LRRK1: variants seen among roughly 807,000 people sequenced by gnomAD.
LRRK1 encodes leucine-rich repeat serine/threonine-protein kinase 1.
A neutral mutation model predicts 209.1 loss-of-function variants in LRRK1; 113 were observed. The ratio of observed to expected loss-of-function variants is 0.54; its 90% CI spans 0.46 to 0.63. LRRK1 has a LOEUF of 0.63. LRRK1 is among the 30% of genes least tolerant of loss of function. The pLI is 0.00. For missense variants in LRRK1, 2,284 were observed against 2,632.2 expected (o/e 0.87, Z 2.89); for synonymous variants, 1,144 against 1,099.7 (o/e 1.04, Z -0.80).
At position 101,051,854 on chromosome 15, in the gene LRRK1, C is replaced by T. The variant is rs1371576745; in HGVS notation, c.3583C>T (p.Leu1195=). Residue 1195 remains leucine (L), a synonymous_variant, in exon 24 of 34, where the codon CTG becomes TTG. Coordinates refer to ENST00000388948, the MANE Select transcript of LRRK1 (RefSeq NM_024652.6). ...VQYFDMEDCV[L]TAIERDFISC... ...GTACTTCGACATGGAAGACTGTGTC[C>T]TGACGGCCATCGAGCGGGACTTCAT... 7 of 1,614,036 alleles carry T rather than the reference C, an allele frequency of 4.3e-6. No individual in the cohort carries two copies. The highest frequency in any genetic ancestry group is 3.3e-5 in the South Asian group (3 of 91,090).
At position 101,066,817 on chromosome 15, in the gene LRRK1, C is replaced by A. The variant is rs149914306; in HGVS notation, c.5870+76C>A. ...GAAGGCCCTGCAGCCAGGTCCTGCACAGTGGCTTTGCTGCCCTTCCATTCT... is the reference window on the plus strand; with the variant it reads ...GAAGGCCCTGCAGCCAGGTCCTGCAAAGTGGCTTTGCTGCCCTTCCATTCT... On this transcript the variant is annotated intron_variant, in intron 33 of 33. Coordinates refer to ENST00000388948, the MANE Select transcript of LRRK1 (RefSeq NM_024652.6). 762 of 1,189,750 alleles carry A rather than the reference C, an allele frequency of 6.4e-4. 7 individuals carry two copies. In the African/African-American group the frequency reaches 8.7e-3, roughly 14 times the overall value. The allele number at this position is 1,189,750 out of a possible 1,614,324, so 73.7% of individuals were successfully genotyped here.
chr15:101,077,540 CT>C lies in LRRK1; in HGVS notation c.*8695del, dbSNP rs1347368456. On this transcript the variant is annotated 3_prime_UTR_variant, in exon 34 of 34. Transcript: ENST00000388948. ...TAGACCTTTTATACCTGTTTTTCTC[CT>C]TTACTTATTCCGTTTAGTTTTTCAA... is the stretch of plus-strand genomic sequence containing the variant. 1 of 152,158 alleles carries C rather than the reference CT, an allele frequency of 6.6e-6. No individual in the cohort carries two copies. The highest frequency in any genetic ancestry group is 1.9e-4 in the East Asian group (1 of 5,194). The allele number at this position is 152,158 out of a possible 1,614,324, so 9.4% of individuals were successfully genotyped here. A position where few individuals can be genotyped will look rare whatever the true frequency, so the allele number is the denominator to read the frequency against.
At position 101,027,227 on chromosome 15, in the gene LRRK1, C is replaced by A; in HGVS notation, c.2406-34C>A. The A allele has an allele frequency of 6.2e-7, 1 of 1,612,184 alleles. No homozygotes were observed. The highest frequency in any genetic ancestry group is 8.5e-7 in the Non-Finnish European group (1 of 1,178,966). ...GCAGCAGCGCTTCCTCGGAGTGGGG[C>A]ATGATGAGTAAAGACGGGTCTTTTT... is the stretch of plus-strand genomic sequence containing the variant. On this transcript the variant is annotated intron_variant, in intron 17 of 33. Coordinates refer to ENST00000388948, the MANE Select transcript of LRRK1 (RefSeq NM_024652.6). This position sits in a 1 kb window ranked among gnomAD's most constrained non-coding sequence, Gnocchi z 5.1.
intron 2 of LRRK1, among the ~76,000 whole-genome samples, chr15:100,950,989 G>C (rs2042639006): frequency 6.6e-6 from 1 of 152,216 alleles, no homozygotes; most frequent in Non-Finnish European, 1.5e-5. Context: ...TGTAGTCCCA[G>C]CTATTTGGGA....
chr15:100,941,464 CTGTG>C lies in LRRK1; in HGVS notation c.97+16771_97+16774del, dbSNP rs763355554. ...TGTGTGTCTGTGTGTGTCTATGTCT[CTGTG>C]TGTGTGTGTGTGTGTGTGTGTGTGT... On this transcript the variant is annotated intron_variant, in intron 2 of 33. Transcript: ENST00000388948. Among the ~76,000 whole-genome samples the C allele has an allele frequency of 4.2e-4, 37 of 88,816 alleles. 3 individuals carry two copies. The highest frequency in any genetic ancestry group is 1.4e-3 in the African/African-American group (28 of 19,516). 58.3% of individuals were successfully genotyped at this position (88,816 alleles called of 152,430 possible).
chr15:100,982,655 G>T (rs985993217), intron 3 of LRRK1, among the ~76,000 whole-genome samples: 1 of 152,198 alleles, frequency 6.6e-6, no homozygotes, highest in African/African-American at 2.4e-5. Flanking sequence ...TTTGTCCCAG[G>T]ATTCAGATCT....
chr15:101,002,828 G>C (rs1030121432), intron 6 of LRRK1, among the ~76,000 whole-genome samples: 1 of 152,176 alleles, frequency 6.6e-6, no homozygotes, highest in African/African-American at 2.4e-5. Flanking sequence ...CCATCTCCCG[G>C]GTTCAAGTGA....
chr15:100,973,084 G>A (rs903317374), intron 2 of LRRK1, among the ~76,000 whole-genome samples: 1 of 152,232 alleles, frequency 6.6e-6, no homozygotes, highest in Non-Finnish European at 1.5e-5. Flanking sequence ...GGCTCCTCCT[G>A]CACCCAGCGA....
chr15:100,977,691 C>T (rs931972469), intron 3 of LRRK1, among the ~76,000 whole-genome samples: 2 of 152,172 alleles, frequency 1.3e-5, no homozygotes, highest in African/African-American at 2.4e-5. Context: ...ATTTCCACCC[C>T]ACCAGGCAGC....
chr15:101,039,099 C>T (rs1254058675), intron 20 of LRRK1, among the ~76,000 whole-genome samples: 1 of 152,166 alleles, frequency 6.6e-6, no homozygotes, highest in African/African-American at 2.4e-5. Context: ...TTGGATTATT[C>T]TAGATCCTTT....
At chr15:101,007,704 T>C (rs566042410) in intron 6 of LRRK1, among the ~76,000 whole-genome samples, 2 of 152,160 alleles carry the variant, frequency 1.3e-5, no homozygotes, top group South Asian at 4.2e-4. Flanking sequence ...CGCTGCAGGC[T>C]GGGCATCCTA....
chr15:101,015,432 A>C (rs1470804424), intron 12 of LRRK1, 30 bp downstream of exon 12: 2 of 1,560,218 alleles, frequency 1.3e-6, no homozygotes, highest in Non-Finnish European at 1.8e-6. Flanking sequence ...CGGTGTTCCC[A>C]GATGAGACAG....
chr15:101,058,617 C>CGGGGG lies in LRRK1; in HGVS notation c.4679+481_4679+485dup, dbSNP rs1555479973. The stretch of plus-strand genomic sequence containing the variant: ...CTGCCCCAGATTGCAGAAGGGGCAA[C>CGGGGG]GGGGGGGGGCGTCTAAACAGAGTTG... On this transcript the variant is annotated intron_variant, in intron 29 of 33. Coordinates refer to ENST00000388948, the MANE Select transcript of LRRK1 (RefSeq NM_024652.6). Among the ~76,000 whole-genome samples, 652 of 74,908 alleles carry CGGGGG rather than the reference C, an allele frequency of 8.7e-3. 23 individuals are homozygous for CGGGGG. Among genetic ancestry groups the CGGGGG allele is most frequent in the South Asian group, 0.017 (40 of 2,326 alleles). The allele number at this position is 74,908 out of a possible 152,430, so 49.1% of individuals were successfully genotyped here. A position where few individuals can be genotyped will look rare whatever the true frequency, so the allele number is the denominator to read the frequency against.
rs137902952 is a variant in LRRK1, at chr15:101,054,262, C to T, written c.4055-684C>T. 7.6e-3 allele frequency among the ~76,000 whole-genome samples: 1,164 copies of T among 152,324 alleles called. 22 individuals are homozygous for T. Among genetic ancestry groups the T allele is most frequent in the African/African-American group, 0.026 (1,091 of 41,564 alleles). ...GTGCTGGAATCACCGGCATGAGCCACACGCCCAGCCAAACAAAATGCTTCT... is the reference window on the plus strand; with the variant it reads ...GTGCTGGAATCACCGGCATGAGCCATACGCCCAGCCAAACAAAATGCTTCT... On this transcript the variant is annotated intron_variant, in intron 26 of 33. Transcript: ENST00000388948.
At chr15:101,062,524 CCAGA>C in intron 30 of LRRK1, 46 bp from the exon 31 acceptor site, 3 of 1,312,484 alleles carry the variant, frequency 2.3e-6, no homozygotes, top group Non-Finnish European at 3.3e-6. Context: ...TTGGGAAATG[CCAGA>C]CACTTTCCAG....
At chr15:100,979,661 G>A (rs2031492478) in intron 3 of LRRK1, among the ~76,000 whole-genome samples, 1 of 151,768 alleles carries the variant, frequency 6.6e-6, no homozygotes, top group Non-Finnish European at 1.5e-5. Context: ...ACTGAGAGAG[G>A]TATTTACAAA....
intron 13 of LRRK1, 118 bp downstream of exon 13, chr15:101,021,300 G>A: frequency 1.7e-6 from 2 of 1,161,798 alleles, no homozygotes; most frequent in Non-Finnish European, 2.4e-6. Context: ...TACTTTCCAA[G>A]AAGCAGTAGT....
In LRRK1 at chr15:100,985,865, G is replaced by GAGT. The variant is rs552818919; in HGVS notation, c.433+2167_433+2168insGTA. 9.7e-3 allele frequency among the ~76,000 whole-genome samples: 1,480 copies of GAGT among 152,324 alleles called. 30 individuals are homozygous for GAGT. The highest frequency in any genetic ancestry group is 0.034 in the African/African-American group (1,416 of 41,570). ...GCAAAGGAGTTCCCAAGCTGGAAGG[G>GAGT]AAGTCAGCCATGGTCAGGAGTAAGT... On this transcript the variant is annotated intron_variant, in intron 4 of 33. Transcript: ENST00000388948.
chr15:101,021,444 A>C (rs748527442), intron 13 of LRRK1, among the ~76,000 whole-genome samples: 7 of 152,180 alleles, frequency 4.6e-5, no homozygotes, highest in Non-Finnish European at 1.0e-4. Flanking sequence ...TCCTTTCATT[A>C]CTGAGCTCCC....
Sources: allele counts gnomAD v4.1 joint callset (sites outside exome capture counted in the v4.1 genomes callset), GRCh38; gene constraint gnomAD v4.1.1; non-coding constraint Gnocchi (gnomAD v3.1); transcripts MANE v1.5; gene names NCBI Gene and HGNC (gene_info 2026-07-23, HGNC 2026-07-21).